PRPF40B: variants seen among roughly 807,000 people sequenced by gnomAD.
PRPF40B encodes pre-mRNA processing factor 40B, also known as pre-mRNA-processing factor 40 homolog B.
PRPF40B carries 56 observed loss-of-function variants against 124.5 expected under a neutral mutation model. The ratio of observed to expected loss-of-function variants is 0.45; its 90% CI spans 0.36 to 0.56. The LOEUF (loss-of-function observed/expected upper bound fraction) is 0.56. Among genes scored for constraint, PRPF40B ranks in the 20% least tolerant of loss-of-function variants. The probability of loss-of-function intolerance (pLI) is 0.00; values close to 1 mark genes in which losing one functional copy is unlikely to be tolerated. For missense variants in PRPF40B, 1,053 were observed against 1,169.5 expected, an observed-to-expected ratio of 0.90 and a Z score of 1.45; for synonymous variants, 443 against 426.4, an observed-to-expected ratio of 1.04 and a Z score of -0.48.
At chr12:49,637,649 C>A in intron 17 of PRPF40B, 65 bp downstream of exon 17, 1 of 1,565,380 alleles carries the variant, frequency 6.4e-7, no homozygotes, top group Non-Finnish European at 8.8e-7. Flanking sequence ...TCTGCACCCC[C>A]TACTACCGGC....
intron 1 of PRPF40B, among the ~76,000 whole-genome samples, chr12:49,624,845 CAA>C (rs74552039): frequency 2.0e-4 from 18 of 88,768 alleles, no homozygotes; most frequent in South Asian, 3.9e-4. Context: ...AGCTCTGTCT[CAA>C]AAAAAAAAAA....
chr12:49,629,004 C>G (rs565316096), intron 1 of PRPF40B, among the ~76,000 whole-genome samples: 1 of 152,368 alleles, frequency 6.6e-6, no homozygotes, highest in Non-Finnish European at 1.5e-5. Context: ...CCTATCACCC[C>G]CTAACTTTCA....
intron 18 of PRPF40B, chr12:49,639,233 G>A (rs1045167373): frequency 6.6e-6 from 1 of 152,212 alleles, no homozygotes; most frequent in African/African-American, 2.4e-5. Flanking sequence ...AGGTGGTGGT[G>A]CTAGGTAGAG....
chr12:49,628,998 T>C lies in PRPF40B; in HGVS notation c.4-1547T>C, dbSNP rs1940983610. Among the ~76,000 whole-genome samples the C allele has an allele frequency of 2.0e-5, 3 of 152,252 alleles. No homozygotes were observed. In the South Asian group the frequency reaches 6.2e-4, roughly 31 times the overall value. ...CACCTTTCCCCGGGATTCCTCCCTA[T>C]CACCCCCTAACTTTCAGGCAAAGAG... is the stretch of plus-strand genomic sequence containing the variant. On this transcript the variant is annotated intron_variant, in intron 1 of 25. Coordinates refer to ENST00000548825, the MANE Select transcript of PRPF40B (RefSeq NM_001031698.3).
chr12:49,631,474 T>A lies in PRPF40B; in HGVS notation c.158T>A (p.Ile53Asn). Reference sequence around the variant, plus strand: ...CCCATGAGTCAGAGACCACCAGCTATCCCCCCCATGCCACCTGGCATCCTG... The same window carrying A: ...CCCATGAGTCAGAGACCACCAGCTAACCCCCCCATGCCACCTGGCATCCTG... Reference protein sequence around the residue: ...LPPMSQRPPAIPPMPPGILPP... With the variant: ...LPPMSQRPPANPPMPPGILPP... Residue 53 changes from isoleucine (I) to asparagine (N), a missense_variant, in exon 3 of 26, where the codon ATC (isoleucine) becomes AAC (asparagine). Physicochemically the swap from Ile to Asn is moderately radical, Grantham distance 149. Coordinates refer to ENST00000548825, the MANE Select transcript of PRPF40B (RefSeq NM_001031698.3). This position sits in a 1 kb window ranked among gnomAD's most constrained non-coding sequence, Gnocchi z 4.3. The A allele has an allele frequency of 6.6e-7, 1 of 1,504,432 alleles. No homozygotes were observed. Among genetic ancestry groups the A allele is most frequent in the Admixed American group, 2.3e-5 (1 of 43,180 alleles). 93.2% of individuals were successfully genotyped at this position (1,504,432 alleles called of 1,614,324 possible).
intron 1 of PRPF40B, 41 bp from the exon 2 acceptor site, chr12:49,630,502 CTG>C (rs1565826350): frequency 1.3e-5 from 11 of 826,122 alleles, no homozygotes; most frequent in Non-Finnish European, 2.1e-6. Flanking sequence ...AAGCCCATCT[CTG>C]TGCCCATCCT....
rs151181775 is a variant in PRPF40B, at chr12:49,643,272, C to T, written c.2255C>T (p.Pro752Leu). The T allele has an allele frequency of 5.0e-6, 8 of 1,614,078 alleles. No individual in the cohort carries two copies. Among genetic ancestry groups the T allele is most frequent in the Admixed American group, 1.7e-5 (1 of 59,992 alleles). ...CTGCCCCCACCATCTCTCCGGCCCC[C>T]CAAGCGGAGGAGGCGGAACCCCTCA... The part of the protein sequence containing the change: ...EELPPPSLRP[P>L]KRRRRNPSES... Residue 752 changes from proline (P) to leucine (L), a missense_variant, in exon 23 of 26, where the codon CCC becomes CTC. Physicochemically the swap from Pro to Leu is moderately conservative, Grantham distance 98. This residue lies in a region of PRPF40B where 895 missense variants were observed against 1,052.2 expected (regional missense o/e 0.85). Coordinates refer to ENST00000548825, the MANE Select transcript of PRPF40B (RefSeq NM_001031698.3).
intron 18 of PRPF40B, chr12:49,638,050 G>A: frequency 1.9e-6 from 1 of 522,856 alleles, no homozygotes. Context: ...TTATACAAAG[G>A]GGCAAGTGTT....
rs1195496777 is a variant in PRPF40B at position 49,644,216 on chromosome 12, G to A, written c.*24G>A. The A allele has an allele frequency of 4.3e-6, 7 of 1,612,846 alleles. No homozygotes were observed. The highest frequency in any genetic ancestry group is 1.3e-5 in the African/African-American group (1 of 74,900). On this transcript the variant is annotated 3_prime_UTR_variant, in exon 26 of 26. Coordinates refer to ENST00000548825, the MANE Select transcript of PRPF40B (RefSeq NM_001031698.3). ...GACCCAATGAGCTGTTCTCTGCCTC[G>A]GGTCTGTGTGAGGCCATGGCTCCTG...
Position 49,624,259 on chromosome 12 carries a change from A to C in PRPF40B, c.3+666A>C, listed in dbSNP as rs149198789. 234 of 779,702 alleles carry C rather than the reference A, an allele frequency of 3.0e-4. 2 individuals are homozygous for C. In the African/African-American group the frequency reaches 3.8e-3, roughly 13 times the overall value. The allele number at this position is 779,702 out of a possible 1,614,324, so 48.3% of individuals were successfully genotyped here. A position where few individuals can be genotyped will look rare whatever the true frequency, so the allele number is the denominator to read the frequency against. On this transcript the variant is annotated intron_variant, in intron 1 of 25. Transcript: ENST00000548825. ...GAAAATTAAATCCCAGATCTCTTCC[A>C]GGGTCTAAATGAATAGGTTTTTGAG...
chr12:49,641,698 C>G (rs761587311), intron 18 of PRPF40B: 139 of 577,296 alleles, frequency 2.4e-4, no homozygotes, highest in South Asian at 3.7e-4. Flanking sequence ...CCCTTCAGCT[C>G]TGTGTGACAT....
At position 49,636,776 on chromosome 12, in the gene PRPF40B, A is replaced by G. The variant is rs748346733; in HGVS notation, c.1487A>G (p.Glu496Gly). The part of the protein sequence containing the change: ...FEEHIRALER[E>G]EEEERERARL... ...GAGCACATCCGAGCTTTGGAGAGGGAAGAGGAGGAGGAACGGGAGCGGGCC... is the reference window on the plus strand; with the variant it reads ...GAGCACATCCGAGCTTTGGAGAGGGGAGAGGAGGAGGAACGGGAGCGGGCC... Residue 496 changes from glutamate (E) to glycine (G), a missense_variant, in exon 16 of 26, where the codon GAA (glutamate) becomes GGA (glycine). Glu to Gly is a moderately conservative substitution (Grantham distance 98). This residue lies in a region of PRPF40B where 895 missense variants were observed against 1,052.2 expected (regional missense o/e 0.85). Transcript: ENST00000548825. The G allele has an allele frequency of 2.5e-6, 4 of 1,614,172 alleles. No homozygotes were observed. The South Asian group carries it at 4.4e-5, about 18-fold the overall frequency.
rs762899990 is a variant in PRPF40B, at chr12:49,635,357, C to T, written c.1167-8C>T. The T allele has an allele frequency of 1.6e-5, 25 of 1,612,378 alleles. No individual in the cohort carries two copies. In the South Asian group the frequency reaches 2.5e-4, roughly 16 times the overall value. On this transcript the variant is annotated splice_polypyrimidine_tract_variant and splice_region_variant and intron_variant, in intron 13 of 25. Transcript: ENST00000548825. This position sits in a 1 kb window ranked among gnomAD's most constrained non-coding sequence, Gnocchi z 4.1. ...TGTCTACCTACTCACAGCTTATATG[C>T]TCCACAGGCGGGCAGAACAGACCTT...
At chr12:49,640,638 C>G (rs1407613437) in intron 18 of PRPF40B, 1 of 152,204 alleles carries the variant, frequency 6.6e-6, no homozygotes, top group African/African-American at 2.4e-5. Flanking sequence ...TTCCGTGTCT[C>G]TGAGCCTGTT....
upstream of PRPF40B, chr12:49,623,363 CG>C (rs1284867779): frequency 4.6e-6 from 1 of 217,286 alleles, no homozygotes; most frequent in Admixed American, 5.9e-5. Flanking sequence ...GGACCCGGGA[CG>C]CGGCGGCGCG....
Position 49,631,507 on chromosome 12 carries a change from T to C in PRPF40B, c.191T>C (p.Met64Thr). The change falls in exon 3 of 26, where the codon ATG (methionine) becomes ACG (threonine). Residue 64 changes from methionine to threonine, a missense_variant. Physicochemically the swap from Met to Thr is moderately conservative, Grantham distance 81 (BLOSUM62 -1). This residue lies in a region of PRPF40B where 158 missense variants were observed against 117.3 expected (regional missense o/e 1.35). Coordinates refer to ENST00000548825, the MANE Select transcript of PRPF40B (RefSeq NM_001031698.3). This position sits in a 1 kb window ranked among gnomAD's most constrained non-coding sequence, Gnocchi z 4.3. ...PPMPPGILPP[M>T]LPPMGAPPPL... ...ATGCCACCTGGCATCCTGCCCCCAATGCTTCCACCAATGGGGGCGCCACCA... is the reference window on the plus strand; with the variant it reads ...ATGCCACCTGGCATCCTGCCCCCAACGCTTCCACCAATGGGGGCGCCACCA... 6.5e-7 allele frequency: 1 copy of C among 1,528,912 alleles called. No homozygotes were observed. Among genetic ancestry groups the C allele is most frequent in the Non-Finnish European group, 8.8e-7 (1 of 1,142,204 alleles). The allele number at this position is 1,528,912 out of a possible 1,614,324, so 94.7% of individuals were successfully genotyped here.
At chr12:49,632,003 C>G in intron 4 of PRPF40B, 78 bp downstream of exon 4, 3 of 1,390,752 alleles carry the variant, frequency 2.2e-6, no homozygotes, top group Non-Finnish European at 3.1e-6. Context: ...GGACTATGAC[C>G]TCCATTCTTT....
chr12:49,628,680 C>T (rs1940953189), intron 1 of PRPF40B, among the ~76,000 whole-genome samples: 2 of 152,016 alleles, frequency 1.3e-5, no homozygotes, highest in Non-Finnish European at 2.9e-5. Context: ...CATTCTCCCA[C>T]CTCTCCCGAG....
chr12:49,637,711 C>A (rs1483926007), intron 17 of PRPF40B, 22 bp from the exon 18 acceptor site: 8 of 1,532,690 alleles, frequency 5.2e-6, no homozygotes, highest in Non-Finnish European at 6.3e-6. Context: ...CCCGCCAGGC[C>A]CCCCTCCCTC....
Sources: allele counts gnomAD v4.1 joint callset (sites outside exome capture counted in the v4.1 genomes callset), GRCh38; gene constraint gnomAD v4.1.1; regional missense constraint gnomAD v4.1.1; non-coding constraint Gnocchi (gnomAD v3.1); transcripts MANE v1.5; gene names NCBI Gene and HGNC (gene_info 2026-07-23, HGNC 2026-07-21).